PARD3: variants seen among roughly 807,000 people sequenced by gnomAD.
PARD3 encodes the protein par-3 family cell polarity regulator, also known as partitioning defective 3 homolog.
PARD3 carries 75 observed loss-of-function variants against 155.4 expected under a neutral mutation model. The ratio of observed to expected loss-of-function variants is 0.48; its 90% CI spans 0.40 to 0.58. The LOEUF is 0.58. Ranked by LOEUF, PARD3 falls within the 20% of genes least tolerant of loss-of-function variation. The pLI, the probability that PARD3 is intolerant of heterozygous loss-of-function variation, is 0.00. For synonymous variants in PARD3, 576 were observed against 610.5 expected (o/e 0.94, Z 0.83); for missense variants, 1,642 against 1,721.7 (o/e 0.95, Z 0.82).
chr10:34,505,825 A>C (rs1335689511), intron 3 of PARD3, among the ~76,000 whole-genome samples: 2 of 152,204 alleles, frequency 1.3e-5, no homozygotes, highest in Non-Finnish European at 2.9e-5. Flanking sequence ...ATTCTGCTTA[A>C]AGACAACTTA....
chr10:34,696,649 C>T (rs533240393), intron 1 of PARD3, among the ~76,000 whole-genome samples: 1 of 151,166 alleles, frequency 6.6e-6, no homozygotes, highest in East Asian at 1.9e-4. Flanking sequence ...GATGCTGATA[C>T]TCTATTATGA....
At chr10:34,257,161 T>C (rs1954695558) in intron 22 of PARD3, among the ~76,000 whole-genome samples, 1 of 152,190 alleles carries the variant, frequency 6.6e-6, no homozygotes, top group Non-Finnish European at 1.5e-5. Context: ...CTCTAGAACA[T>C]CTGGGAAGTT....
intron 22 of PARD3, among the ~76,000 whole-genome samples, chr10:34,259,924 G>A (rs1274087013): frequency 6.6e-6 from 1 of 152,112 alleles, no homozygotes; most frequent in African/African-American, 2.4e-5. Flanking sequence ...GCTCACTGAA[G>A]CTTCGAACTC....
At chr10:34,181,803 G>A (rs974721720) in intron 22 of PARD3, among the ~76,000 whole-genome samples, 2 of 151,942 alleles carry the variant, frequency 1.3e-5, no homozygotes, top group Non-Finnish European at 2.9e-5. Flanking sequence ...ATGACTCTCT[G>A]GACTTTCAGA....
intron 1 of PARD3, among the ~76,000 whole-genome samples, chr10:34,742,652 T>C (rs1423249049): frequency 6.6e-6 from 1 of 152,174 alleles, no homozygotes; most frequent in Admixed American, 6.5e-5. Flanking sequence ...CAATCCAGGG[T>C]TGATCTACCC....
chr10:34,643,836 G>A (rs2092754464), intron 2 of PARD3, among the ~76,000 whole-genome samples: 1 of 152,178 alleles, frequency 6.6e-6, no homozygotes, highest in Non-Finnish European at 1.5e-5. Context: ...AGGCTTGCTT[G>A]AGCCCAGCAG....
chr10:34,145,215 A>ATTTTTT (rs1431781010), intron 22 of PARD3, among the ~76,000 whole-genome samples: 11 of 57,590 alleles, frequency 1.9e-4, no homozygotes, highest in South Asian at 4.8e-4. Context: ...ATATATATAT[A>ATTTTTT]TATATATTTT....
intron 22 of PARD3, among the ~76,000 whole-genome samples, chr10:34,195,556 T>G (rs1950898163): frequency 6.6e-6 from 1 of 152,048 alleles, no homozygotes; most frequent in Non-Finnish European, 1.5e-5. Context: ...ACTTCTGGAG[T>G]GCTTATGTAT....
chr10:34,522,182 A>C (rs986753467), intron 2 of PARD3, among the ~76,000 whole-genome samples: 2 of 152,190 alleles, frequency 1.3e-5, no homozygotes, highest in Non-Finnish European at 2.9e-5. Context: ...AAAAATGGAG[A>C]GCCACGCCTG....
At chr10:34,703,957 G>A (rs1209197599) in intron 1 of PARD3, among the ~76,000 whole-genome samples, 1 of 152,166 alleles carries the variant, frequency 6.6e-6, no homozygotes, top group Non-Finnish European at 1.5e-5. Flanking sequence ...CTTTGTAAGT[G>A]GAAGATGTGT....
At chr10:34,622,882 T>C (rs2091772079) in intron 2 of PARD3, among the ~76,000 whole-genome samples, 1 of 151,604 alleles carries the variant, frequency 6.6e-6, no homozygotes, top group Admixed American at 6.6e-5. Flanking sequence ...TATTATTTCT[T>C]ATAATCCTCC....
At chr10:34,812,759 C>G (rs1844353439) in intron 1 of PARD3, among the ~76,000 whole-genome samples, 1 of 152,118 alleles carries the variant, frequency 6.6e-6, no homozygotes, top group Non-Finnish European at 1.5e-5. Flanking sequence ...CTGACCCTCC[C>G]TCTCATCTCC....
chr10:34,270,125 A>G (rs1955541710), intron 21 of PARD3, among the ~76,000 whole-genome samples: 1 of 149,404 alleles, frequency 6.7e-6, no homozygotes, highest in Non-Finnish European at 1.5e-5. Context: ...ACAAGATTGC[A>G]GTCATAATTT....
In PARD3 at chr10:34,198,458, G is replaced by GTGTA. The variant is rs1173385839; in HGVS notation, c.3420-66876_3420-66875insTACA. 1.0e-3 allele frequency among the ~76,000 whole-genome samples: 72 copies of GTGTA among 69,126 alleles called. 2 individuals carry two copies. Among genetic ancestry groups the GTGTA allele is most frequent in the African/African-American group, 6.6e-3 (72 of 10,880 alleles). 45.3% of individuals were successfully genotyped at this position (69,126 alleles called of 152,430 possible). A position where few individuals can be genotyped will look rare whatever the true frequency, so the allele number is the denominator to read the frequency against. ...CCTATCTGAAATCACTAATTGGTGTGTGTGTGTGTGTGTGTGTGTGTGTGT... is the reference window on the plus strand; with the variant it reads ...CCTATCTGAAATCACTAATTGGTGTGTGTATGTGTGTGTGTGTGTGTGTGTGTGT... On this transcript the variant is annotated intron_variant, in intron 22 of 24. Coordinates refer to ENST00000374788, the MANE Select transcript of PARD3 (RefSeq NM_001184785.2).
chr10:34,604,268 G>A (rs1246205802), intron 2 of PARD3, among the ~76,000 whole-genome samples: 1 of 152,160 alleles, frequency 6.6e-6, no homozygotes, highest in Non-Finnish European at 1.5e-5. Context: ...CTGTGTGGGT[G>A]TTGCCAAAAG....
At chr10:34,333,506 G>A (rs892053119) in intron 18 of PARD3, among the ~76,000 whole-genome samples, 2 of 152,016 alleles carry the variant, frequency 1.3e-5, no homozygotes, top group African/African-American at 4.8e-5. Context: ...GACCATTGTG[G>A]ATGGTGGGCC....
chr10:34,139,785 G>A (rs1190980700), intron 22 of PARD3, among the ~76,000 whole-genome samples: 2 of 152,166 alleles, frequency 1.3e-5, no homozygotes, highest in African/African-American at 4.8e-5. Flanking sequence ...ATGACAAAGT[G>A]GATACAAACA....
chr10:34,541,551 C>G (rs185641044), intron 2 of PARD3, among the ~76,000 whole-genome samples: 120 of 152,292 alleles, frequency 7.9e-4, no homozygotes, highest in African/African-American at 2.8e-3. Context: ...AACAGCACAA[C>G]CTTTGTCTCC....
chr10:34,734,668 T>C (rs899617654), intron 1 of PARD3, among the ~76,000 whole-genome samples: 12 of 152,234 alleles, frequency 7.9e-5, no homozygotes, highest in South Asian at 2.1e-4. Context: ...GGCTTTCCTA[T>C]TGGAGGAGTG....
Sources: allele counts gnomAD v4.1 joint callset (sites outside exome capture counted in the v4.1 genomes callset), GRCh38; gene constraint gnomAD v4.1.1; transcripts MANE v1.5; gene names NCBI Gene and HGNC (gene_info 2026-07-23, HGNC 2026-07-21).